ZNF341: variants seen among roughly 807,000 people sequenced by gnomAD.
The protein encoded by ZNF341 is zinc finger protein 341.
In ZNF341, 52 loss-of-function variants were observed where a neutral mutation model predicts 87.7. The ratio of observed to expected loss-of-function variants is 0.59; its 90% CI spans 0.47 to 0.75. ZNF341 has a LOEUF of 0.75. ZNF341 is among the 30% of genes least tolerant of loss of function. The pLI, the probability that ZNF341 is intolerant of heterozygous loss-of-function variation, is 0.00. For missense variants in ZNF341, 977 were observed against 1,145.9 expected (o/e 0.85, Z 2.13); for synonymous variants, 459 against 472.7 (o/e 0.97, Z 0.38).
chr20:33,772,416 CCTGGGTGAAGCTT>C (rs1350695858), intron 10 of ZNF341, among the ~76,000 whole-genome samples: 1 of 152,114 alleles, frequency 6.6e-6, no homozygotes, highest in African/African-American at 2.4e-5. Flanking sequence ...CCCTGTAACT[CCTGGGTGAAGCTT>C]CTGGGGTTCA....
chr20:33,789,678 C>A (rs1272576769), intron 14 of ZNF341, 90 bp downstream of exon 14: 2 of 1,413,598 alleles, frequency 1.4e-6, no homozygotes, highest in Non-Finnish European at 2.0e-6. Flanking sequence ...CAGACATATC[C>A]TGTGAGGCTT....
chr20:33,766,818 T>A, intron 8 of ZNF341, 33 bp from the exon 9 acceptor site: 1 of 1,574,688 alleles, frequency 6.4e-7, no homozygotes, highest in Non-Finnish European at 8.6e-7. Flanking sequence ...ATGGGCCGGC[T>A]CCTTGTCCTG....
chr20:33,739,748 C>T (rs978704013), intron 1 of ZNF341, among the ~76,000 whole-genome samples: 5 of 152,178 alleles, frequency 3.3e-5, no homozygotes, highest in South Asian at 2.1e-4. Context: ...ACAGGCCCCA[C>T]GTCACAGTGG....
At chr20:33,770,845 G>T (rs933838078) in intron 10 of ZNF341, among the ~76,000 whole-genome samples, 1 of 152,186 alleles carries the variant, frequency 6.6e-6, no homozygotes. Flanking sequence ...AGTTGGCTGG[G>T]CGTGGTGGCT....
intron 10 of ZNF341, among the ~76,000 whole-genome samples, chr20:33,780,643 C>T (rs1488682837): frequency 6.6e-6 from 1 of 151,652 alleles, no homozygotes; most frequent in Admixed American, 6.6e-5. Flanking sequence ...CTCCTGACCT[C>T]AGGTGATGCG....
chr20:33,765,118 A>AT (rs1369317207), intron 8 of ZNF341, among the ~76,000 whole-genome samples: 1 of 152,100 alleles, frequency 6.6e-6, no homozygotes, highest in Non-Finnish European at 1.5e-5. Flanking sequence ...GTGAGCCATC[A>AT]TGCCTGGTGC....
chr20:33,754,070 C>T (rs1180147432), intron 5 of ZNF341, among the ~76,000 whole-genome samples: 2 of 152,138 alleles, frequency 1.3e-5, no homozygotes, highest in South Asian at 4.1e-4. Context: ...CAGAAATGCC[C>T]AAGGCCTTTT....
At chr20:33,786,205 T>C (rs528845159) in intron 12 of ZNF341, among the ~76,000 whole-genome samples, 4 of 152,138 alleles carry the variant, frequency 2.6e-5, no homozygotes, top group Admixed American at 6.5e-5. Flanking sequence ...GGTTTCACCA[T>C]GTTGGCCAGG....
rs117058449 is a variant in ZNF341, at chr20:33,732,699, G to T, written c.31+647G>T. ...GCGCGGTGTGCCCGGCCGGGACGCG[G>T]TGTTCCCAGACCCAGGCCAGCAAAC... is the stretch of plus-strand genomic sequence containing the variant. On this transcript the variant is annotated intron_variant, in intron 1 of 14. Coordinates refer to ENST00000375200, the MANE Select transcript of ZNF341 (RefSeq NM_001282933.2). The surrounding 1 kb of genome is among the most constrained non-coding windows in gnomAD (Gnocchi z 4.5). Among the ~76,000 whole-genome samples, 5,279 of 152,306 alleles carry T rather than the reference G, an allele frequency of 0.035. 153 individuals carry two copies. Among genetic ancestry groups the T allele is most frequent in the Admixed American group, 0.058 (882 of 15,308 alleles).
rs921272139 is a variant in ZNF341 at position 33,783,997 on chromosome 20, T to G, written c.1852+133T>G. 5.0e-6 allele frequency: 4 copies of G among 794,026 alleles called. No homozygotes were observed. In the African/African-American group the frequency reaches 7.7e-5, roughly 15 times the overall value. The allele number at this position is 794,026 out of a possible 1,614,324, so 49.2% of individuals were successfully genotyped here. A position where few individuals can be genotyped will look rare whatever the true frequency, so the allele number is the denominator to read the frequency against. On this transcript the variant is annotated intron_variant, in intron 12 of 14. Coordinates refer to ENST00000375200, the MANE Select transcript of ZNF341 (RefSeq NM_001282933.2). The stretch of plus-strand genomic sequence containing the variant: ...TCCCTCAGCCCCTTTTCCCTCCACT[T>G]CTCCATCTCCCTCCCCATCTCACTC...
At position 33,766,909 on chromosome 20, in the gene ZNF341, G is replaced by C; in HGVS notation, c.1281G>C (p.Glu427Asp). 6.2e-7 allele frequency: 1 copy of C among 1,614,172 alleles called. No individual in the cohort carries two copies. Among genetic ancestry groups the C allele is most frequent in the East Asian group, 2.2e-5 (1 of 44,888 alleles). ...PQPQALSTAG[E>D]EEGDKPESKQ... The stretch of plus-strand genomic sequence containing the variant: ...CCCAGGCCTTGTCCACAGCTGGTGA[G>C]GAAGAGGGGGACAAGCCGGAGTCCA... Residue 427 changes from glutamate to aspartate, a missense_variant, in exon 9 of 15, where the codon GAG (glutamate) becomes GAC (aspartate). Physicochemically the swap from Glu to Asp is conservative, Grantham distance 45. Coordinates refer to ENST00000375200, the MANE Select transcript of ZNF341 (RefSeq NM_001282933.2).
chr20:33,758,802 C>T lies in ZNF341; in HGVS notation c.1024C>T (p.Arg342Ter), dbSNP rs756537281. ...TKNFDLQQHIRSHTGEKPFQC... is the reference protein window; with the variant it reads ...TKNFDLQQHI ...AAACTTTGACCTGCAGCAGCACATC[C>T]GAAGGTACACATGCGTGGTGAGGCA... The change falls in exon 7 of 15, where the codon CGA becomes TGA. Residue 342 changes from arginine (R) to a stop codon, truncating the protein, a stop_gained. Coordinates refer to ENST00000375200, the MANE Select transcript of ZNF341 (RefSeq NM_001282933.2). LOFTEE classifies it high-confidence loss of function. The T allele has an allele frequency of 2.5e-6, 4 of 1,613,738 alleles. No homozygotes were observed. Among genetic ancestry groups the T allele is most frequent in the East Asian group, 2.2e-5 (1 of 44,876 alleles).
At chr20:33,769,403 G>A (rs1460473508) in intron 9 of ZNF341, among the ~76,000 whole-genome samples, 2 of 150,542 alleles carry the variant, frequency 1.3e-5, no homozygotes, top group Non-Finnish European at 3.0e-5. Flanking sequence ...GAGGGGTGGC[G>A]GGGGCACAGC....
intron 10 of ZNF341, among the ~76,000 whole-genome samples, chr20:33,774,186 G>A (rs1187367697): frequency 6.6e-6 from 1 of 151,554 alleles, no homozygotes; most frequent in African/African-American, 2.4e-5. Flanking sequence ...CAGCCACTCC[G>A]GAGCCTGAGG....
intron 1 of ZNF341, among the ~76,000 whole-genome samples, chr20:33,735,219 C>CG (rs1241517952): frequency 1.4e-5 from 2 of 147,274 alleles, no homozygotes; most frequent in Non-Finnish European, 3.0e-5. Flanking sequence ...TTAGTAGAGA[C>CG]GGGGTTTCAC....
At chr20:33,767,083 G>T in intron 9 of ZNF341, 42 bp downstream of exon 9, 1 of 1,579,474 alleles carries the variant, frequency 6.3e-7, no homozygotes. Context: ...CACACCAGTC[G>T]AAACCTTTCA....
intron 9 of ZNF341, among the ~76,000 whole-genome samples, chr20:33,767,516 C>T (rs565481943): frequency 1.8e-4 from 28 of 152,166 alleles, no homozygotes; most frequent in Middle Eastern, 6.8e-3. Flanking sequence ...GTGATCCACC[C>T]GCTTGGCCTC....
At chr20:33,767,171 C>A in intron 9 of ZNF341, 130 bp downstream of exon 9, 1 of 1,118,782 alleles carries the variant, frequency 8.9e-7, no homozygotes. Context: ...CTATTCCCCC[C>A]GGGTTAGATT....
chr20:33,734,377 G>A (rs2018637203), intron 1 of ZNF341, among the ~76,000 whole-genome samples: 1 of 152,186 alleles, frequency 6.6e-6, no homozygotes, highest in Non-Finnish European at 1.5e-5. Flanking sequence ...CACCCTAGCT[G>A]CTCTGGAACA....
Sources: allele counts gnomAD v4.1 joint callset (sites outside exome capture counted in the v4.1 genomes callset), GRCh38; gene constraint gnomAD v4.1.1; non-coding constraint Gnocchi (gnomAD v3.1); transcripts MANE v1.5; gene names NCBI Gene and HGNC (gene_info 2026-07-23, HGNC 2026-07-21).